The following CADM2 variants were observed in gnomAD, a reference collection of about 807,000 sequenced individuals.
The protein encoded by CADM2 is cell adhesion molecule 2, also known as immunoglobulin superfamily member 4D.
Under a neutral mutation model 49.8 loss-of-function variants are expected in CADM2, and 12 were observed. The ratio of observed to expected loss-of-function variants is 0.24; its 90% CI spans 0.15 to 0.39. The LOEUF (loss-of-function observed/expected upper bound fraction) is 0.39. CADM2 is among the 10% of genes least tolerant of loss of function. CADM2 has a pLI of 1.00. For missense variants in CADM2, 378 were observed against 492.3 expected, an observed-to-expected ratio of 0.77 and a Z score of 2.20; for synonymous variants, 214 against 175.4, an observed-to-expected ratio of 1.22 and a Z score of -1.74.
At chr3:85,085,473 G>T (rs907164599) in intron 1 of CADM2, among the ~76,000 whole-genome samples, 5 of 151,768 alleles carry the variant, frequency 3.3e-5, no homozygotes, top group Admixed American at 6.6e-5. Context: ...ATGTGTGTTT[G>T]TGTACACACC....
intron 1 of CADM2, among the ~76,000 whole-genome samples, chr3:85,331,445 T>G (rs879218929): frequency 9.2e-5 from 14 of 151,812 alleles, no homozygotes; most frequent in African/African-American, 3.4e-4. Flanking sequence ...AAAGCATTTA[T>G]AGTGTGTTGG....
intron 8 of CADM2, among the ~76,000 whole-genome samples, chr3:85,971,744 T>C (rs1206612370): frequency 6.6e-6 from 1 of 151,646 alleles, no homozygotes; most frequent in Non-Finnish European, 1.5e-5. Context: ...AAATTTCACT[T>C]TACTTTTGTC....
intron 1 of CADM2, among the ~76,000 whole-genome samples, chr3:85,038,824 G>T (rs2035322336): frequency 6.6e-6 from 1 of 151,958 alleles, no homozygotes; most frequent in African/African-American, 2.4e-5. Flanking sequence ...TGACTATAAT[G>T]CCAAGATAAA....
At chr3:85,013,721 T>C (rs1018346087) in intron 1 of CADM2, among the ~76,000 whole-genome samples, 1 of 150,274 alleles carries the variant, frequency 6.7e-6, no homozygotes, top group Non-Finnish European at 1.5e-5. Context: ...AGTCCCTCCT[T>C]GTCCCATGGT....
At chr3:85,729,979 G>A (rs2067861549) in intron 2 of CADM2, among the ~76,000 whole-genome samples, 1 of 152,090 alleles carries the variant, frequency 6.6e-6, no homozygotes, top group Non-Finnish European at 1.5e-5. Context: ...AGAACCCTCT[G>A]GGTTTGCTAT....
intron 1 of CADM2, among the ~76,000 whole-genome samples, chr3:85,523,281 G>C (rs745369770): frequency 9.2e-5 from 14 of 152,116 alleles, no homozygotes; most frequent in Non-Finnish European, 1.9e-4. Flanking sequence ...AGGAAGGAAG[G>C]CTGCATCCCA....
intron 1 of CADM2, among the ~76,000 whole-genome samples, chr3:85,518,841 T>G (rs550335751): frequency 2.2e-4 from 33 of 152,280 alleles, no homozygotes; most frequent in Middle Eastern, 3.4e-3. Context: ...ATCTTCAATT[T>G]AGTCACCTCG....
intron 1 of CADM2, among the ~76,000 whole-genome samples, chr3:85,479,504 A>C (rs1255615745): frequency 6.6e-6 from 1 of 151,920 alleles, no homozygotes; most frequent in Admixed American, 6.6e-5. Flanking sequence ...AGGATTAAAA[A>C]ACCTTTGTTA....
At chr3:85,056,376 A>G (rs1308988108) in intron 1 of CADM2, among the ~76,000 whole-genome samples, 1 of 152,048 alleles carries the variant, frequency 6.6e-6, no homozygotes, top group Non-Finnish European at 1.5e-5. Flanking sequence ...GGCTCTTTTC[A>G]TTTAACAAGG....
intron 1 of CADM2, among the ~76,000 whole-genome samples, chr3:85,394,139 A>G (rs1249065209): frequency 6.6e-6 from 1 of 152,194 alleles, no homozygotes; most frequent in Non-Finnish European, 1.5e-5. Context: ...CTGTGTTTTT[A>G]AAAAACAGTT....
intron 1 of CADM2, among the ~76,000 whole-genome samples, chr3:85,611,708 CTT>C (rs201572143): frequency 0.21 from 31,288 of 146,776 alleles, 3,587 homozygotes; most frequent in South Asian, 0.28. Flanking sequence ...CAGAGGAATA[CTT>C]TTTTTTTTTT....
rs28607702 is a variant in CADM2, at chr3:85,031,708, T to G, written c.61+72040T>G. ...TTTTTGTGTATTTTTTTTTAGTAGA[T>G]ACGGGGTTTCACAGTGTTAGCCAGG... On this transcript the variant is annotated intron_variant, in intron 1 of 9. Transcript: ENST00000383699. Among the ~76,000 whole-genome samples, 629 of 151,272 alleles carry G rather than the reference T, an allele frequency of 4.2e-3. 4 individuals carry two copies. Among genetic ancestry groups the G allele is most frequent in the Admixed American group, 0.014 (208 of 15,226 alleles).
chr3:85,909,693 C>G (rs1717302859), intron 5 of CADM2, among the ~76,000 whole-genome samples: 1 of 152,038 alleles, frequency 6.6e-6, no homozygotes, highest in South Asian at 2.1e-4. Flanking sequence ...TCTTGATCAC[C>G]ATGTAATATA....
intron 1 of CADM2, among the ~76,000 whole-genome samples, chr3:85,184,043 A>G (rs1277702778): frequency 6.6e-6 from 1 of 152,158 alleles, no homozygotes; most frequent in East Asian, 1.9e-4. Flanking sequence ...TGTCCAGAAA[A>G]CTGTAAGCAG....
At chr3:85,885,072 GGAAA>G (rs1252239597) in intron 4 of CADM2, among the ~76,000 whole-genome samples, 2 of 151,702 alleles carry the variant, frequency 1.3e-5, no homozygotes, top group Non-Finnish European at 2.9e-5. Context: ...TATGAAATCA[GGAAA>G]GAAAGAAGCT....
At chr3:86,057,809 GGGCATT>G (rs1436632472) in intron 8 of CADM2, among the ~76,000 whole-genome samples, 1 of 152,062 alleles carries the variant, frequency 6.6e-6, no homozygotes, top group Non-Finnish European at 1.5e-5. Flanking sequence ...TAGCATGGAT[GGGCATT>G]GGATTCTCCA....
chr3:86,047,307 A>G (rs1259903980), intron 8 of CADM2, among the ~76,000 whole-genome samples: 1 of 152,162 alleles, frequency 6.6e-6, no homozygotes, highest in Non-Finnish European at 1.5e-5. Context: ...GGGGAGAGTT[A>G]CAATAGACAT....
At chr3:85,841,644 C>T (rs907650104) in intron 3 of CADM2, among the ~76,000 whole-genome samples, 1 of 151,852 alleles carries the variant, frequency 6.6e-6, no homozygotes, top group African/African-American at 2.4e-5. Context: ...TTGGGGTGGA[C>T]GAGTAGTGGA....
In CADM2 at chr3:85,869,714, A is replaced by G. The variant is rs537097063; in HGVS notation, c.239-13577A>G. Among the ~76,000 whole-genome samples, 6 of 152,242 alleles carry G rather than the reference A, an allele frequency of 3.9e-5. No individual in the cohort carries two copies. In the South Asian group the frequency reaches 1.0e-3, roughly 26 times the overall value. Reference sequence around the variant, plus strand: ...CACTCTGTCTATCAGGCTGGAGTGCAGTGGCGCGATCTCGGCTCACGGCAA... The same window carrying G: ...CACTCTGTCTATCAGGCTGGAGTGCGGTGGCGCGATCTCGGCTCACGGCAA... On this transcript the variant is annotated intron_variant, in intron 3 of 9. Coordinates refer to ENST00000383699, the MANE Select transcript of CADM2 (RefSeq NM_001167675.2).
Sources: gnomAD v4.1 joint callset for allele counts (sites outside exome capture counted in the v4.1 genomes callset) on GRCh38, gnomAD v4.1.1 for gene constraint, MANE v1.5 for transcripts, NCBI Gene and HGNC (gene_info 2026-07-23, HGNC 2026-07-21) for gene names.